TBC1D13: variants seen among roughly 807,000 people sequenced by gnomAD.
TBC1D13 encodes the protein TBC1 domain family member 13, also known as epididymis secretory sperm binding protein.
In TBC1D13, 40 loss-of-function variants were observed where a neutral mutation model predicts 53.6. The observed-to-expected ratio is 0.75, with a 90% CI of 0.58 to 0.97. The LOEUF (loss-of-function observed/expected upper bound fraction) is 0.97, where lower values mean the gene tolerates loss of function less well. Ranked by LOEUF, TBC1D13 falls within the 50% of genes least tolerant of loss-of-function variation. TBC1D13 has a pLI of 0.00. For synonymous variants in TBC1D13, 182 were observed against 197.7 expected (o/e 0.92, Z 0.67); for missense variants, 377 against 499.4 (o/e 0.75, Z 2.34).
Position 128,808,223 on chromosome 9 carries a change from T to A in TBC1D13, c.*344T>A. On this transcript the variant is annotated 3_prime_UTR_variant, in exon 12 of 12. Coordinates refer to ENST00000372648, the MANE Select transcript of TBC1D13 (RefSeq NM_018201.5). ...CCCCAGCCTCAGTTCCTGCTTCTGG[T>A]CTTCTCCTGGGCTCCACTCAGGGGA... The A allele has an allele frequency of 3.0e-6, 1 of 334,398 alleles. No individual in the cohort carries two copies. Among genetic ancestry groups the A allele is most frequent in the Non-Finnish European group, 5.8e-6 (1 of 171,736 alleles). The allele number at this position is 334,398 out of a possible 1,614,324, so 20.7% of individuals were successfully genotyped here. A position where few individuals can be genotyped will look rare whatever the true frequency, so the allele number is the denominator to read the frequency against.
chr9:128,802,456 A>T (rs1218865617), intron 7 of TBC1D13, among the ~76,000 whole-genome samples: 1 of 152,218 alleles, frequency 6.6e-6, no homozygotes, highest in East Asian at 1.9e-4. Flanking sequence ...AGTGCCAGTC[A>T]GTCAAGATAC....
chr9:128,797,263 T>C, intron 7 of TBC1D13, 49 bp downstream of exon 7: 1 of 1,595,048 alleles, frequency 6.3e-7, no homozygotes, highest in Non-Finnish European at 8.6e-7. Context: ...AGTATTTTCT[T>C]TCCTTTTTCT....
chr9:128,803,521 A>C, intron 8 of TBC1D13, 61 bp downstream of exon 8: 4 of 1,526,640 alleles, frequency 2.6e-6, no homozygotes, highest in Non-Finnish European at 3.6e-6. Flanking sequence ...TGTGCACCTC[A>C]CTTTCCCTCT....
chr9:128,792,140 C>T (rs1589566662), intron 5 of TBC1D13, among the ~76,000 whole-genome samples: 1 of 152,216 alleles, frequency 6.6e-6, no homozygotes, highest in Non-Finnish European at 1.5e-5. Context: ...TGAATGAGAG[C>T]CGAAGAAACC....
At chr9:128,792,694 T>C in intron 6 of TBC1D13, 120 bp downstream of exon 6, 2 of 896,818 alleles carry the variant, frequency 2.2e-6, no homozygotes, top group South Asian at 3.1e-5. Flanking sequence ...TGCTGGTGGA[T>C]TGTCCCAGCG....
intron 7 of TBC1D13, among the ~76,000 whole-genome samples, chr9:128,802,288 C>T (rs1829750576): frequency 6.6e-6 from 1 of 151,844 alleles, no homozygotes; most frequent in Non-Finnish European, 1.5e-5. Flanking sequence ...GAACTCCCGA[C>T]CTCAGGTAAT....
In TBC1D13 at chr9:128,806,183, G is replaced by T. The variant is rs112003419; in HGVS notation, c.1080-71G>T. ...ACAAACCAAACTTGAGGTGGGTAGG[G>T]AGGGAGGAGTGGGCAGGGCCTGCAC... On this transcript the variant is annotated intron_variant, in intron 10 of 11. Transcript: ENST00000372648. The T allele has an allele frequency of 1.6e-4, 264 of 1,610,026 alleles. No homozygotes were observed. In the African/African-American group the frequency reaches 3.3e-3, roughly 20 times the overall value.
chr9:128,799,197 G>A (rs990054386), intron 7 of TBC1D13, among the ~76,000 whole-genome samples: 4 of 152,212 alleles, frequency 2.6e-5, no homozygotes, highest in African/African-American at 9.6e-5. Context: ...CTGAAGGGCC[G>A]GGAGGGGACT....
chr9:128,806,106 C>T (rs1332685715), intron 10 of TBC1D13, 87 bp downstream of exon 10: 3 of 1,581,320 alleles, frequency 1.9e-6, no homozygotes, highest in African/African-American at 2.7e-5. Flanking sequence ...GAAGGGTGGG[C>T]AGGGCTGCTC....
chr9:128,791,132 G>A (rs1392273515), intron 3 of TBC1D13, among the ~76,000 whole-genome samples: 1 of 152,168 alleles, frequency 6.6e-6, no homozygotes, highest in African/African-American at 2.4e-5. Flanking sequence ...CACAGGGTCT[G>A]ATGATCATGT....
chr9:128,807,636 T>C (rs1485374827), intron 11 of TBC1D13, among the ~76,000 whole-genome samples, 178 bp from the exon 12 acceptor site: 2 of 152,176 alleles, frequency 1.3e-5, no homozygotes, highest in Non-Finnish European at 2.9e-5. Context: ...TGCTGCATGG[T>C]GTAGCGTCAG....
chr9:128,797,101 C>T lies in TBC1D13; in HGVS notation c.430C>T (p.Pro144Ser). ...ISFFQRATDY[P>S]CLLILDPQNE... ...CTTCTTCCAGAGGGCCACTGACTAC[C>T]CTTGCCTCCTCATCCTGGACCCCCA... Residue 144 changes from proline (P) to serine (S), a missense_variant, in exon 7 of 12, where the codon CCT becomes TCT. By Grantham distance (74) the Pro-to-Ser change is moderately conservative (BLOSUM62 -1). Coordinates refer to ENST00000372648, the MANE Select transcript of TBC1D13 (RefSeq NM_018201.5). 6.2e-7 allele frequency: 1 copy of T among 1,614,052 alleles called. No homozygotes were observed. The highest frequency in any genetic ancestry group is 8.5e-7 in the Non-Finnish European group (1 of 1,180,010).
At chr9:128,790,708 C>A in intron 2 of TBC1D13, 27 bp from the exon 3 acceptor site, 1 of 1,539,414 alleles carries the variant, frequency 6.5e-7, no homozygotes, top group Non-Finnish European at 8.7e-7. Flanking sequence ...TGGCCTGGGG[C>A]ATGACCTTTG....
At position 128,791,369 on chromosome 9, in the gene TBC1D13, C is replaced by T. The variant is rs532236621; in HGVS notation, c.139-11C>T. 2 of 1,614,072 alleles carry T rather than the reference C, an allele frequency of 1.2e-6. No homozygotes were observed. Among genetic ancestry groups the T allele is most frequent in the Non-Finnish European group, 1.7e-6 (2 of 1,179,928 alleles). Reference sequence around the variant, plus strand: ...GGGTCACCAGAGCTTTGCCCTTCTCCCTCTGTGCAGATTCTCTTGAACTAC... The same window carrying T: ...GGGTCACCAGAGCTTTGCCCTTCTCTCTCTGTGCAGATTCTCTTGAACTAC... On this transcript the variant is annotated splice_polypyrimidine_tract_variant and intron_variant, in intron 3 of 11. Transcript: ENST00000372648.
Position 128,794,705 on chromosome 9 carries a change from C to T in TBC1D13, c.383+2131C>T, listed in dbSNP as rs1179561209. Among the ~76,000 whole-genome samples the T allele has an allele frequency of 2.0e-5, 3 of 151,366 alleles. 1 individual carries two copies. Among genetic ancestry groups the T allele is most frequent in the Non-Finnish European group, 4.4e-5 (3 of 67,760 alleles). On this transcript the variant is annotated intron_variant, in intron 6 of 11. Coordinates refer to ENST00000372648, the MANE Select transcript of TBC1D13 (RefSeq NM_018201.5). ...GGCCAGGCTGGTCACGAACTCCTGACCTCAAGTGATCCACCCGCTTCAGCC... is the reference window on the plus strand; with the variant it reads ...GGCCAGGCTGGTCACGAACTCCTGATCTCAAGTGATCCACCCGCTTCAGCC...
intron 11 of TBC1D13, among the ~76,000 whole-genome samples, chr9:128,807,367 GTGAGCCACC>G (rs1829855064): frequency 6.6e-6 from 1 of 152,122 alleles, no homozygotes; most frequent in African/African-American, 2.4e-5. Flanking sequence ...GATTACAGGT[GTGAGCCACC>G]AAGCCCAGCC....
At chr9:128,793,963 A>G (rs973086935) in intron 6 of TBC1D13, among the ~76,000 whole-genome samples, 1 of 152,240 alleles carries the variant, frequency 6.6e-6, no homozygotes, top group African/African-American at 2.4e-5. Flanking sequence ...CAGGAGACAT[A>G]TACTAAACCT....
Position 128,805,964 on chromosome 9 carries a change from T to G in TBC1D13, c.1024T>G (p.Phe342Val). 1 of 1,614,272 alleles carries G rather than the reference T, an allele frequency of 6.2e-7. No individual in the cohort carries two copies. Among genetic ancestry groups the G allele is most frequent in the Non-Finnish European group, 8.5e-7 (1 of 1,180,054 alleles). The change falls in exon 10 of 12, where the codon TTC becomes GTC. Residue 342 changes from phenylalanine (F) to valine (V), a missense_variant. By Grantham distance (50) the Phe-to-Val change is conservative. Transcript: ENST00000372648. ...CGTCATCCGCATCTGGGACTCCCTC[T>G]TCGCCGATGACAACCGCTTTGACTT... ...PDVIRIWDSL[F>V]ADDNRFDFLL... is the part of the protein sequence containing the mutation.
At chr9:128,797,290 C>T (rs1829649458) in intron 7 of TBC1D13, 76 bp downstream of exon 7, 4 of 1,496,974 alleles carry the variant, frequency 2.7e-6, no homozygotes, top group African/African-American at 1.4e-5. Context: ...CTCCTGGCCA[C>T]AAGGTGTCGG....
Sources: allele counts gnomAD v4.1 joint callset (sites outside exome capture counted in the v4.1 genomes callset), GRCh38; gene constraint gnomAD v4.1.1; transcripts MANE v1.5; gene names NCBI Gene and HGNC (gene_info 2026-07-23, HGNC 2026-07-21).